SLC4A10: variants seen among roughly 807,000 people sequenced by gnomAD.
SLC4A10 encodes the protein solute carrier family 4 member 10.
A neutral mutation model predicts 137.7 loss-of-function variants in SLC4A10; 42 were observed. The ratio of observed to expected loss-of-function variants is 0.30; its 90% confidence interval spans 0.24 to 0.39. The LOEUF (loss-of-function observed/expected upper bound fraction) is 0.39, where lower values mean the gene tolerates loss of function less well. Among genes scored for constraint, SLC4A10 ranks in the 10% least tolerant of loss-of-function variants. The pLI is 1.00. For missense variants in SLC4A10, 925 were observed against 1,355.0 expected (o/e 0.68, Z 4.98); for synonymous variants, 474 against 464.1 (o/e 1.02, Z -0.27).
intron 3 of SLC4A10, among the ~76,000 whole-genome samples, chr2:161,829,861 G>A (rs150257350): frequency 1.3e-5 from 2 of 152,068 alleles, no homozygotes; most frequent in Admixed American, 6.6e-5. Flanking sequence ...GCAGACAAGA[G>A]AGAATAAGAG....
intron 3 of SLC4A10, among the ~76,000 whole-genome samples, chr2:161,824,361 A>G (rs2057870629): frequency 6.6e-6 from 1 of 152,214 alleles, no homozygotes; most frequent in Non-Finnish European, 1.5e-5. Flanking sequence ...AGAAAAATCC[A>G]TGAAAGCCAT....
intron 3 of SLC4A10, among the ~76,000 whole-genome samples, chr2:161,834,206 C>T (rs765479375): frequency 1.3e-5 from 2 of 152,174 alleles, no homozygotes; most frequent in Non-Finnish European, 1.5e-5. Flanking sequence ...TTTGGTCCTA[C>T]ATTGTAAGAG....
intron 1 of SLC4A10, among the ~76,000 whole-genome samples, chr2:161,770,561 C>G (rs1196639531): frequency 1.3e-5 from 2 of 151,896 alleles, no homozygotes; most frequent in Non-Finnish European, 2.9e-5. Context: ...TTATTTTACC[C>G]TGCCATAGCA....
chr2:161,737,405 A>G (rs868311615), intron 1 of SLC4A10, among the ~76,000 whole-genome samples: 5 of 151,924 alleles, frequency 3.3e-5, no homozygotes, highest in Middle Eastern at 6.8e-3. Context: ...CTTTTTATAA[A>G]TACTTTATAC....
chr2:161,645,635 G>A (rs1207165346), intron 1 of SLC4A10, among the ~76,000 whole-genome samples: 1 of 152,006 alleles, frequency 6.6e-6, no homozygotes, highest in Non-Finnish European at 1.5e-5. Flanking sequence ...GATAAAGCCT[G>A]CAGTAGGAAA....
intron 16 of SLC4A10, among the ~76,000 whole-genome samples, chr2:161,945,228 ATATAT>A (rs1423140387): frequency 1.9e-5 from 2 of 107,526 alleles, no homozygotes; most frequent in Non-Finnish European, 3.8e-5. Flanking sequence ...ATATATATAT[ATATAT>A]ATTTGTCAGT....
intron 8 of SLC4A10, among the ~76,000 whole-genome samples, chr2:161,876,808 T>C (rs2061476719): frequency 6.6e-6 from 1 of 151,940 alleles, no homozygotes; most frequent in African/African-American, 2.4e-5. Flanking sequence ...CTATACATAA[T>C]ATAGAATAAT....
intron 4 of SLC4A10, among the ~76,000 whole-genome samples, chr2:161,842,528 T>C (rs563706462): frequency 1.4e-4 from 21 of 152,246 alleles, no homozygotes; most frequent in African/African-American, 4.1e-4. Flanking sequence ...TTATTTTCTT[T>C]ATTTGCCTTT....
chr2:161,685,022 G>T (rs941948439), intron 1 of SLC4A10, among the ~76,000 whole-genome samples: 3 of 152,084 alleles, frequency 2.0e-5, no homozygotes, highest in Non-Finnish European at 2.9e-5. Flanking sequence ...CCATAGAGAG[G>T]CATAAAGCCA....
intron 2 of SLC4A10, among the ~76,000 whole-genome samples, chr2:161,777,440 T>G (rs1292921948): frequency 1.3e-5 from 2 of 152,008 alleles, no homozygotes; most frequent in Non-Finnish European, 2.9e-5. Context: ...AAATTCAATA[T>G]GATGAAATGT....
intron 15 of SLC4A10, among the ~76,000 whole-genome samples, chr2:161,921,206 G>A (rs756497870): frequency 6.6e-6 from 1 of 152,170 alleles, no homozygotes; most frequent in Non-Finnish European, 1.5e-5. Context: ...ATTGTATGTG[G>A]CATACCTATG....
chr2:161,919,253 C>T lies in SLC4A10; in HGVS notation c.1997+13366C>T, dbSNP rs553734332. Among the ~76,000 whole-genome samples the T allele has an allele frequency of 2.9e-3, 443 of 152,212 alleles. 3 individuals are homozygous for T. Among genetic ancestry groups the T allele is most frequent in the African/African-American group, 9.9e-3 (411 of 41,538 alleles). ...GCAGGCCTGCTGGCACCCCTTAGCA[C>T]GAACAGCCTGGGCACAATGAATGGC... is the stretch of plus-strand genomic sequence containing the variant. On this transcript the variant is annotated intron_variant, in intron 15 of 26. Coordinates refer to ENST00000446997, the MANE Select transcript of SLC4A10 (RefSeq NM_001178015.2).
chr2:161,918,366 G>A (rs1687504751), intron 15 of SLC4A10, among the ~76,000 whole-genome samples: 1 of 152,084 alleles, frequency 6.6e-6, no homozygotes, highest in East Asian at 1.9e-4. Context: ...ATGTTAGCCA[G>A]GCTGGTCTCA....
intron 10 of SLC4A10, among the ~76,000 whole-genome samples, chr2:161,885,261 A>G (rs547363735): frequency 6.8e-6 from 1 of 147,768 alleles, no homozygotes; most frequent in Admixed American, 7.0e-5. Context: ...AGAATTTAAT[A>G]TGTTGATTCA....
chr2:161,882,382 C>G lies in SLC4A10; in HGVS notation c.1132C>G (p.Leu378Val). Residue 378 changes from leucine (L) to valine (V), a missense_variant, in exon 10 of 27, where the codon CTG (leucine) becomes GTG (valine). Around this residue, in one of 11 missense-constraint regions of SLC4A10, gnomAD observed 277 missense variants for 306.1 expected, o/e 0.90. Transcript: ENST00000446997. ...ATTTTTGTTCATTCTTCTGGGACCCCTGGGAAAGGGTCAACAGTACCATGA... is the reference window on the plus strand; with the variant it reads ...ATTTTTGTTCATTCTTCTGGGACCCGTGGGAAAGGGTCAACAGTACCATGA... ...TRFLFILLGP[L>V]GKGQQYHEIG... The G allele has an allele frequency of 6.3e-7, 1 of 1,589,354 alleles. No individual in the cohort carries two copies. The highest frequency in any genetic ancestry group is 2.3e-5 in the East Asian group (1 of 43,856).
intron 1 of SLC4A10, among the ~76,000 whole-genome samples, chr2:161,753,014 A>G (rs2049159186): frequency 6.6e-6 from 1 of 152,144 alleles, no homozygotes; most frequent in African/African-American, 2.4e-5. Context: ...CGCTATAAAT[A>G]TATACAATTA....
At chr2:161,956,704 A>T (rs986445170) in intron 19 of SLC4A10, among the ~76,000 whole-genome samples, 1 of 152,238 alleles carries the variant, frequency 6.6e-6, no homozygotes, top group Non-Finnish European at 1.5e-5. Context: ...TAATTTGTCT[A>T]GTGCTGAAAC....
intron 1 of SLC4A10, among the ~76,000 whole-genome samples, chr2:161,721,554 G>A (rs1272395317): frequency 6.6e-6 from 1 of 152,192 alleles, no homozygotes; most frequent in East Asian, 1.9e-4. Flanking sequence ...TGAGATGTTT[G>A]CTGTTAGTCT....
chr2:161,753,374 ACTCTTAT>A (rs989628259), intron 1 of SLC4A10, among the ~76,000 whole-genome samples: 3 of 151,976 alleles, frequency 2.0e-5, no homozygotes, highest in South Asian at 2.1e-4. Flanking sequence ...TATTTCAAAA[ACTCTTAT>A]CTCTTCTTCA....
Sources: allele counts gnomAD v4.1 joint callset (sites outside exome capture counted in the v4.1 genomes callset), GRCh38; gene constraint gnomAD v4.1.1; regional missense constraint gnomAD v4.1.1; transcripts MANE v1.5; gene names NCBI Gene and HGNC (gene_info 2026-07-23, HGNC 2026-07-21).